DNAJC15: variants seen among roughly 807,000 people sequenced by gnomAD.
DNAJC15 encodes DnaJ heat shock protein family (Hsp40) member C15, also known as dnaJ homolog subfamily C member 15.
In DNAJC15, 27 loss-of-function variants were observed where a neutral mutation model predicts 22.4. That is an observed-to-expected ratio of 1.20 (90% CI 0.89 to 1.66). DNAJC15 has a LOEUF of 1.66. Ranked by LOEUF, DNAJC15 falls within the 40% of genes most tolerant of loss-of-function variation. The pLI, the probability that DNAJC15 is intolerant of heterozygous loss-of-function variation, is 0.00. For synonymous variants in DNAJC15, 79 were observed against 63.2 expected, an observed-to-expected ratio of 1.25 and a Z score of -1.19; for missense variants, 208 against 187.1, an observed-to-expected ratio of 1.11 and a Z score of -0.65.
intron 5 of DNAJC15, among the ~76,000 whole-genome samples, chr13:43,103,291 C>G (rs2040780233): frequency 6.6e-6 from 1 of 152,060 alleles, no homozygotes; most frequent in African/African-American, 2.4e-5. Flanking sequence ...TTCTCTCAAT[C>G]TCTGGTGAAC....
At chr13:43,033,257 A>G (rs2040412247) in intron 1 of DNAJC15, among the ~76,000 whole-genome samples, 2 of 152,204 alleles carry the variant, frequency 1.3e-5, no homozygotes, top group African/African-American at 4.8e-5. Context: ...TTCTACAGAA[A>G]ACTTAAAAAA....
At chr13:43,025,215 G>A (rs1341355625) in intron 1 of DNAJC15, among the ~76,000 whole-genome samples, 1 of 152,156 alleles carries the variant, frequency 6.6e-6, no homozygotes, top group African/African-American at 2.4e-5. Flanking sequence ...TCTGGATATA[G>A]TATTCAGTGT....
intron 3 of DNAJC15, among the ~76,000 whole-genome samples, chr13:43,072,249 A>T (rs1200489640): frequency 2.0e-5 from 3 of 152,132 alleles, no homozygotes; most frequent in Non-Finnish European, 4.4e-5. Context: ...CTGGAATTTC[A>T]CAAGAATTCT....
At position 43,113,248 on chromosome 13, in the gene DNAJC15, G is replaced by A. The variant is rs2040832888; in HGVS notation, c.*6000G>A. The A allele has an allele frequency of 6.6e-6, 1 of 152,180 alleles. No homozygotes were observed. Among genetic ancestry groups the A allele is most frequent in the Non-Finnish European group, 1.5e-5 (1 of 68,042 alleles). The allele number at this position is 152,180 out of a possible 1,614,324, so 9.4% of individuals were successfully genotyped here. A position where few individuals can be genotyped will look rare whatever the true frequency, so the allele number is the denominator to read the frequency against. ...AAGAAAACCGAATATATTGAAAGGA[G>A]CAGAGAGGCAATGAAAACAAGACAA... On this transcript the variant is annotated 3_prime_UTR_variant, in exon 6 of 6. Transcript: ENST00000379221.
At chr13:43,105,532 C>T (rs1421250351) in intron 5 of DNAJC15, among the ~76,000 whole-genome samples, 2 of 152,126 alleles carry the variant, frequency 1.3e-5, no homozygotes, top group African/African-American at 2.4e-5. Context: ...GAGAATTCAA[C>T]GTTATTCTGA....
intron 3 of DNAJC15, among the ~76,000 whole-genome samples, chr13:43,077,646 A>G (rs942580043): frequency 6.6e-6 from 1 of 152,192 alleles, no homozygotes; most frequent in African/African-American, 2.4e-5. Context: ...AGGCAAGGCA[A>G]TTCCTAAAGT....
intron 1 of DNAJC15, among the ~76,000 whole-genome samples, chr13:43,024,940 A>G (rs1487885981): frequency 1.4e-5 from 2 of 138,338 alleles, no homozygotes; most frequent in Non-Finnish European, 3.1e-5. Context: ...GTGAGCCTGT[A>G]GTCCTAGCTG....
chr13:43,069,662 A>G (rs1440062223), intron 3 of DNAJC15, among the ~76,000 whole-genome samples: 1 of 152,220 alleles, frequency 6.6e-6, no homozygotes, highest in African/African-American at 2.4e-5. Context: ...CCTGCAGCGT[A>G]AACATTGGCT....
rs962693318 is a variant in DNAJC15, at chr13:43,111,050, A to G, written c.*3802A>G. The G allele has an allele frequency of 6.6e-6, 1 of 152,244 alleles. No individual in the cohort carries two copies. Among genetic ancestry groups the G allele is most frequent in the African/African-American group, 2.4e-5 (1 of 41,468 alleles). 9.4% of individuals were successfully genotyped at this position (152,244 alleles called of 1,614,324 possible). ...ATAAAACAATTCCGATTGCAGAGAA[A>G]GTGTAAGTCAAGGACAGTTAATTCA... On this transcript the variant is annotated 3_prime_UTR_variant, in exon 6 of 6. Transcript: ENST00000379221.
chr13:43,082,857 T>TATATATATATATAC (rs144193543), intron 4 of DNAJC15, among the ~76,000 whole-genome samples: 2,653 of 149,494 alleles, frequency 0.018, 25 homozygotes, highest in African/African-American at 0.027. Context: ...TATATATATA[T>TATATATATATATAC]ATACACACAT....
At chr13:43,043,129 T>C (rs2040461284) in intron 1 of DNAJC15, among the ~76,000 whole-genome samples, 1 of 152,172 alleles carries the variant, frequency 6.6e-6, no homozygotes, top group Non-Finnish European at 1.5e-5. Context: ...ATTTTTATTT[T>C]TTTGAAAGGC....
chr13:43,050,303 T>A (rs1025343179), intron 1 of DNAJC15, among the ~76,000 whole-genome samples: 33 of 152,290 alleles, frequency 2.2e-4, no homozygotes, highest in African/African-American at 6.5e-4. Flanking sequence ...TTTAAAATTT[T>A]AAAAAATTTT....
At chr13:43,043,082 C>G (rs2040461078) in intron 1 of DNAJC15, among the ~76,000 whole-genome samples, 1 of 152,148 alleles carries the variant, frequency 6.6e-6, no homozygotes, top group Non-Finnish European at 1.5e-5. Context: ...CATTTATTCA[C>G]ATTTTGGTTT....
intron 1 of DNAJC15, among the ~76,000 whole-genome samples, chr13:43,048,832 A>G (rs1453343629): frequency 6.6e-6 from 1 of 152,230 alleles, no homozygotes; most frequent in Non-Finnish European, 1.5e-5. Context: ...AACAACAACA[A>G]AAATATATCC....
At chr13:43,085,731 T>G in intron 4 of DNAJC15, 37 bp from the exon 5 acceptor site, 1 of 1,549,938 alleles carries the variant, frequency 6.5e-7, no homozygotes, top group Non-Finnish European at 8.8e-7. Flanking sequence ...CTGCATTTGA[T>G]GCTATTTATT....
At chr13:43,049,123 A>G (rs941272205) in intron 1 of DNAJC15, among the ~76,000 whole-genome samples, 1 of 152,080 alleles carries the variant, frequency 6.6e-6, no homozygotes, top group Non-Finnish European at 1.5e-5. Flanking sequence ...TCATATCCCA[A>G]TTTTTCCTAA....
intron 4 of DNAJC15, among the ~76,000 whole-genome samples, chr13:43,081,040 T>A (rs1052711627): frequency 6.6e-6 from 1 of 152,218 alleles, no homozygotes; most frequent in Non-Finnish European, 1.5e-5. Flanking sequence ...AAAAATACTG[T>A]ATGTGTTCTA....
intron 3 of DNAJC15, among the ~76,000 whole-genome samples, chr13:43,075,908 G>A (rs901174853): frequency 2.6e-5 from 4 of 152,118 alleles, no homozygotes; most frequent in South Asian, 2.1e-4. Flanking sequence ...TGATCCGCCC[G>A]CCTCAGCCTC....
At chr13:43,062,799 C>A (rs9525729) in intron 1 of DNAJC15, among the ~76,000 whole-genome samples, 36,095 of 151,156 alleles carry the variant, frequency 0.24, 4,766 homozygotes, top group Non-Finnish European at 0.3. Flanking sequence ...GCTCACTGCA[C>A]CCTCCGCCTC....
Sources: allele counts gnomAD v4.1 joint callset (sites outside exome capture counted in the v4.1 genomes callset), GRCh38; gene constraint gnomAD v4.1.1; transcripts MANE v1.5; gene names NCBI Gene and HGNC (gene_info 2026-07-23, HGNC 2026-07-21).